RASGRP3: variants seen among roughly 807,000 people sequenced by gnomAD.
RASGRP3 encodes RAS guanyl releasing protein 3.
RASGRP3 carries 54 observed loss-of-function variants against 82.7 expected under a neutral mutation model. That is an observed-to-expected ratio of 0.65 (90% CI 0.52 to 0.82). The LOEUF (loss-of-function observed/expected upper bound fraction) is 0.82. RASGRP3 is among the 40% of genes least tolerant of loss of function. RASGRP3 has a pLI of 0.00. For synonymous variants in RASGRP3, 309 were observed against 300.5 expected (o/e 1.03, Z -0.29); for missense variants, 861 against 828.9 (o/e 1.04, Z -0.48).
chr2:33,539,942 C>G (rs1160773369), intron 12 of RASGRP3: 1 of 150,352 alleles, frequency 6.7e-6, no homozygotes, highest in South Asian at 2.1e-4. Flanking sequence ...GAGGTGAGAT[C>G]GCGCCACTGC....
intron 4 of RASGRP3, among the ~76,000 whole-genome samples, chr2:33,517,428 A>G (rs985057424): frequency 3.3e-5 from 5 of 152,154 alleles, no homozygotes; most frequent in Non-Finnish European, 7.4e-5. Flanking sequence ...GAGAACCCCT[A>G]CAGGGAGGGG....
At chr2:33,561,263 C>CA (rs1574516087) in intron 17 of RASGRP3, among the ~76,000 whole-genome samples, 2 of 152,108 alleles carry the variant, frequency 1.3e-5, no homozygotes, top group East Asian at 3.9e-4. Flanking sequence ...GACAGGGTTT[C>CA]ACCATGCTGG....
At chr2:33,490,852 T>C (rs753838105) in intron 1 of RASGRP3, among the ~76,000 whole-genome samples, 10 of 152,234 alleles carry the variant, frequency 6.6e-5, no homozygotes, top group Non-Finnish European at 1.5e-4. Context: ...GCCTGTTTAG[T>C]TCACTGCCGG....
chr2:33,463,877 G>C (rs1298264571), intron 2 of RASGRP3, among the ~76,000 whole-genome samples: 1 of 151,648 alleles, frequency 6.6e-6, no homozygotes, highest in Non-Finnish European at 1.5e-5. Context: ...TGGGATTATA[G>C]GCATGAGCCA....
intron 1 of RASGRP3, among the ~76,000 whole-genome samples, chr2:33,485,305 C>T (rs1668278881): frequency 6.6e-6 from 1 of 152,192 alleles, no homozygotes; most frequent in African/African-American, 2.4e-5. Context: ...CTAATACATA[C>T]CCATTTCTAT....
At chr2:33,471,954 C>T (rs1056496401), upstream of RASGRP3, among the ~76,000 whole-genome samples, 1 of 151,974 alleles carries the variant, frequency 6.6e-6, no homozygotes. Flanking sequence ...TTTTGACTTA[C>T]ACTTTTGTAA....
intron 1 of RASGRP3, chr2:33,481,636 C>G (rs1228451661): frequency 6.6e-6 from 1 of 152,188 alleles, no homozygotes; most frequent in Non-Finnish European, 1.5e-5. Context: ...ATTTCCAAAG[C>G]CTATGGACAT....
rs377215232 is a variant in RASGRP3 at position 33,540,556 on chromosome 2, TTGTGTGTGTGTGTGTGTGTGTG to T, written c.1278+1374_1278+1395del. On this transcript the variant is annotated intron_variant, in intron 12 of 17. Transcript: ENST00000403687. ...CTCTCTCTCTCTCTGTGTGTGTGTTTTGTGTGTGTGTGTGTGTGTGTGTGTGTGTGTGTGTGTGTGTGTGTGT... is the reference window on the plus strand; with the variant it reads ...CTCTCTCTCTCTCTGTGTGTGTGTTTTGTGTGTGTGTGTGTGTGTGTGTGT... 7.8e-5 allele frequency among the ~76,000 whole-genome samples: 3 copies of T among 38,654 alleles called. 1 individual carries two copies. Among genetic ancestry groups the T allele is most frequent in the South Asian group, 7.5e-4 (1 of 1,326 alleles). 25.4% of individuals were successfully genotyped at this position (38,654 alleles called of 152,430 possible).
chr2:33,460,151 G>T (rs1666278968), intron 2 of RASGRP3, among the ~76,000 whole-genome samples: 1 of 152,166 alleles, frequency 6.6e-6, no homozygotes, highest in African/African-American at 2.4e-5. Context: ...CAAATATTCA[G>T]ATAATGAATA....
chr2:33,542,838 C>CA, intron 12 of RASGRP3, among the ~76,000 whole-genome samples: 1 of 152,018 alleles, frequency 6.6e-6, no homozygotes, highest in Non-Finnish European at 1.5e-5. Context: ...CATATGCCAC[C>CA]ATGCCCAGCT....
intron 1 of RASGRP3, among the ~76,000 whole-genome samples, chr2:33,509,093 T>C (rs1404551714): frequency 6.6e-6 from 1 of 152,108 alleles, no homozygotes; most frequent in Non-Finnish European, 1.5e-5. Flanking sequence ...TAAGATACCA[T>C]TGGAAATGAA....
intron 1 of RASGRP3, among the ~76,000 whole-genome samples, chr2:33,443,989 G>T (rs1665369841): frequency 6.6e-6 from 1 of 152,138 alleles, no homozygotes; most frequent in Non-Finnish European, 1.5e-5. Context: ...AAAAGAAACA[G>T]ATAAAATGAA....
intron 2 of RASGRP3, among the ~76,000 whole-genome samples, chr2:33,469,436 T>C (rs6543715): frequency 0.61 from 92,047 of 151,658 alleles, 28,703 homozygotes; most frequent in African/African-American, 0.69. Flanking sequence ...AAACCAATCA[T>C]GTGATTCTCT....
At chr2:33,489,256 C>T (rs1668647615) in intron 1 of RASGRP3, among the ~76,000 whole-genome samples, 2 of 152,202 alleles carry the variant, frequency 1.3e-5, no homozygotes, top group African/African-American at 4.8e-5. Flanking sequence ...AAATCTCACG[C>T]AAACATGCCT....
At chr2:33,464,725 C>A (rs886939338) in intron 2 of RASGRP3, among the ~76,000 whole-genome samples, 4 of 152,166 alleles carry the variant, frequency 2.6e-5, no homozygotes, top group African/African-American at 4.8e-5. Context: ...AATTGTCCTA[C>A]CTAGGCCTCT....
intron 1 of RASGRP3, among the ~76,000 whole-genome samples, chr2:33,438,187 T>C (rs1056585838): frequency 6.6e-6 from 1 of 152,254 alleles, no homozygotes. Flanking sequence ...ATGAGTTAGA[T>C]GTATTATTTC....
chr2:33,485,832 T>C (rs1283470601), intron 1 of RASGRP3, among the ~76,000 whole-genome samples: 2 of 152,226 alleles, frequency 1.3e-5, no homozygotes, highest in Admixed American at 6.5e-5. Context: ...AAGCCAATGA[T>C]GGTGGATTTA....
intron 1 of RASGRP3, among the ~76,000 whole-genome samples, chr2:33,496,264 A>G (rs1669300797): frequency 6.6e-6 from 1 of 152,352 alleles, no homozygotes; most frequent in African/African-American, 2.4e-5. Flanking sequence ...AAAGCAAGGC[A>G]TTTGAGGACA....
intron 1 of RASGRP3, among the ~76,000 whole-genome samples, chr2:33,446,117 CTTT>C (rs1475075559): frequency 3.3e-5 from 5 of 152,080 alleles, no homozygotes; most frequent in Non-Finnish European, 5.9e-5. Flanking sequence ...TGTAGCCATT[CTTT>C]TTTGTTGGTT....
Sources: allele counts gnomAD v4.1 joint callset (sites outside exome capture counted in the v4.1 genomes callset), GRCh38; gene constraint gnomAD v4.1.1; transcripts MANE v1.5; gene names NCBI Gene and HGNC (gene_info 2026-07-23, HGNC 2026-07-21).